The following DIRAS3 variants were observed in gnomAD, a reference collection of about 807,000 sequenced individuals.
DIRAS3 encodes the protein GTP-binding protein Di-Ras3.
For synonymous variants in DIRAS3, 133 were observed against 131.4 expected (o/e 1.01, Z -0.08); for missense variants, 248 against 300.6 (o/e 0.83, Z 1.29).
In DIRAS3 at chr1:68,047,137, A is replaced by T; in HGVS notation, c.161T>A (p.Leu54Gln). The stretch of plus-strand genomic sequence containing the variant: ...GAAGTTGCCGCTCGCCCACTTGTGC[A>T]GCAGCGTACTTTTCCCCACACCAGC... ...GTAGVGKSTL[L>Q]HKWASGNFRH... Residue 54 changes from leucine to glutamine, a missense_variant, in exon 2 of 2, where the codon CTG (leucine) becomes CAG (glutamine). Transcript: ENST00000646789. 1 of 1,614,188 alleles carries T rather than the reference A, an allele frequency of 6.2e-7. No individual in the cohort carries two copies. The highest frequency in any genetic ancestry group is 8.5e-7 in the Non-Finnish European group (1 of 1,180,022).
chr1:68,047,184 G>A lies in DIRAS3; in HGVS notation c.114C>T (p.Tyr38=). Residue 38 remains tyrosine (Y), a synonymous_variant, in exon 2 of 2, where the codon TAC becomes TAT. Coordinates refer to ENST00000646789, the MANE Select transcript of DIRAS3 (RefSeq NM_004675.5). ...AFKPHRKIRD[Y]RVVVVGTAGV... ...CAGCGGTGCCGACTACCACGACGCG[G>A]TAATCTCTGATCTTCCTGTGGGGCT... The A allele has an allele frequency of 2.5e-6, 4 of 1,614,200 alleles. No individual in the cohort carries two copies. Among genetic ancestry groups the A allele is most frequent in the Non-Finnish European group, 3.4e-6 (4 of 1,180,040 alleles).
In DIRAS3 at chr1:68,047,219, G is replaced by A. The variant is rs1557689117; in HGVS notation, c.79C>T (p.Arg27Cys). The change falls in exon 2 of 2, where the codon CGC becomes TGC. Residue 27 changes from arginine to cysteine, a missense_variant. By Grantham distance (180) the Arg-to-Cys change is radical. Coordinates refer to ENST00000646789, the MANE Select transcript of DIRAS3 (RefSeq NM_004675.5). ...ATCTTCCTGTGGGGCTTGAAGGCGC[G>A]GAGGATAAGCAGGGCGGGCAGAAGC... The part of the protein sequence containing the change: ...LRLLPALLIL[R>C]AFKPHRKIRD... 2 of 1,614,032 alleles carry A rather than the reference G, an allele frequency of 1.2e-6. No individual in the cohort carries two copies. The highest frequency in any genetic ancestry group is 8.5e-7 in the Non-Finnish European group (1 of 1,180,044).
Position 68,047,005 on chromosome 1 carries a change from T to G in DIRAS3, c.293A>C (p.Asn98Thr), listed in dbSNP as rs759146869. ...HITDSKSGDG[N>T]RALQRHVIAR... ...TATAACGTGGCGCTGCAGAGCGCGG[T>G]TGCCGTCGCCACTCTTGCTGTCGGT... The change falls in exon 2 of 2, where the codon AAC becomes ACC. Residue 98 changes from asparagine (N) to threonine (T), a missense_variant. Transcript: ENST00000646789. 6.8e-6 allele frequency: 11 copies of G among 1,614,038 alleles called. No homozygotes were observed. The highest frequency in any genetic ancestry group is 1.3e-5 in the African/African-American group (1 of 74,918).
At chr1:68,047,383 TG>T in intron 1 of DIRAS3, 21 bp from the exon 2 acceptor site, 1 of 1,222,258 alleles carries the variant, frequency 8.2e-7, no homozygotes, top group Non-Finnish European at 1.1e-6. Flanking sequence ...AGTGAGACGG[TG>T]AGAGATGGTA....
In DIRAS3 at chr1:68,046,639, T is replaced by C; in HGVS notation, c.659A>G (p.Glu220Gly). The change falls in exon 2 of 2, where the codon GAG becomes GGG. Residue 220 changes from glutamate (E) to glycine (G), a missense_variant. Coordinates refer to ENST00000646789, the MANE Select transcript of DIRAS3 (RefSeq NM_004675.5). Reference sequence around the variant, plus strand: ...GATTATGCACTTGTCAAGCAGCTTCTCAGTGGTGTTGGGCATCTGGGATTT... The same window carrying C: ...GATTATGCACTTGTCAAGCAGCTTCCCAGTGGTGTTGGGCATCTGGGATTT... ...EKKSQMPNTT[E>G]KLLDKCIIM is the part of the protein sequence containing the mutation. 1.2e-6 allele frequency: 2 copies of C among 1,614,148 alleles called. No homozygotes were observed. The highest frequency in any genetic ancestry group is 2.2e-5 in the South Asian group (2 of 91,070).
chr1:68,046,810 A>G lies in DIRAS3; in HGVS notation c.488T>C (p.Leu163Pro). 4 of 1,614,188 alleles carry G rather than the reference A, an allele frequency of 2.5e-6. No homozygotes were observed. Among genetic ancestry groups the G allele is most frequent in the Non-Finnish European group, 3.4e-6 (4 of 1,180,030 alleles). The change falls in exon 2 of 2, where the codon CTG becomes CCG. Residue 163 changes from leucine (L) to proline (P), a missense_variant. Transcript: ENST00000646789. ...KSDDTHREVA[L>P]NDGATCAMEW... ...CATCGCACAGGTGGCACCATCATTC[A>G]GGGCCACCTCCCGGTGGGTGTCATC...
In DIRAS3 at chr1:68,047,031, G is replaced by A. The variant is rs945486728; in HGVS notation, c.267C>T (p.Ile89=). The change falls in exon 2 of 2, where the codon ATC becomes ATT. Residue 89 remains isoleucine (I), a synonymous_variant. Transcript: ENST00000646789. ...TGCCGTCGCCACTCTTGCTGTCGGTGATGTGCAGGGAAAGCACACCGTGGC... is the reference window on the plus strand; with the variant it reads ...TGCCGTCGCCACTCTTGCTGTCGGTAATGTGCAGGGAAAGCACACCGTGGC... The part of the protein sequence containing the change: ...GCSHGVLSLH[I]TDSKSGDGNR... The A allele has an allele frequency of 1.2e-6, 2 of 1,614,102 alleles. No individual in the cohort carries two copies. Among genetic ancestry groups the A allele is most frequent in the Non-Finnish European group, 1.7e-6 (2 of 1,180,054 alleles).
At chr1:68,048,037 AAAAAAAAAAAAAATATATAT>A (rs1557689545) in intron 1 of DIRAS3, among the ~76,000 whole-genome samples, 1 of 60,452 alleles carries the variant, frequency 1.7e-5, no homozygotes, top group African/African-American at 7.8e-5. Flanking sequence ...AAAAAAAAAA[AAAAAAAAAAAAAATATATAT>A]ATATATATAT....
rs2100322741 is a variant in DIRAS3 at position 68,046,127 on chromosome 1, T to A, written c.*481A>T. ...CCCACACCCCTAATGATCAACATAT[T>A]CATTTTTTTATTTAGTATATGTCAC... On this transcript the variant is annotated 3_prime_UTR_variant, in exon 2 of 2. Coordinates refer to ENST00000646789, the MANE Select transcript of DIRAS3 (RefSeq NM_004675.5). The A allele has an allele frequency of 6.5e-6, 1 of 154,530 alleles. No individual in the cohort carries two copies. Among genetic ancestry groups the A allele is most frequent in the East Asian group, 1.9e-4 (1 of 5,222 alleles). 9.6% of individuals were successfully genotyped at this position (154,530 alleles called of 1,614,324 possible).
chr1:68,046,572 A>G lies in DIRAS3; in HGVS notation c.*36T>C, dbSNP rs1255326671. The G allele has an allele frequency of 1.9e-6, 3 of 1,588,630 alleles. No homozygotes were observed. Among genetic ancestry groups the G allele is most frequent in the Admixed American group, 3.4e-5 (2 of 58,250 alleles). On this transcript the variant is annotated 3_prime_UTR_variant, in exon 2 of 2. Transcript: ENST00000646789. ...AATGAGTCCACGTTTTCTACACGCT[A>G]CAGGATAGGAAGAGCTGGCTCTTAA...
chr1:68,046,855 A>G lies in DIRAS3; in HGVS notation c.443T>C (p.Val148Ala). ...KGNNLHKFPIVLVGNKSDDTH... is the reference protein window; with the variant it reads ...KGNNLHKFPIALVGNKSDDTH... ...GTCATCACTTTTATTGCCCACCAGCACGATGGGGAACTTATGCAGGTTGTT... is the reference window on the plus strand; with the variant it reads ...GTCATCACTTTTATTGCCCACCAGCGCGATGGGGAACTTATGCAGGTTGTT... The change falls in exon 2 of 2, where the codon GTG becomes GCG. Residue 148 changes from valine (V) to alanine (A), a missense_variant. Physicochemically the swap from Val to Ala is moderately conservative, Grantham distance 64. Coordinates refer to ENST00000646789, the MANE Select transcript of DIRAS3 (RefSeq NM_004675.5). The G allele has an allele frequency of 3.1e-6, 5 of 1,614,182 alleles. No homozygotes were observed. The highest frequency in any genetic ancestry group is 4.2e-6 in the Non-Finnish European group (5 of 1,180,042).
rs915874250 is a variant in DIRAS3, at chr1:68,047,380, C to T, written c.-65-18G>A. 4.7e-6 allele frequency: 6 copies of T among 1,264,314 alleles called. No individual in the cohort carries two copies. The highest frequency in any genetic ancestry group is 4.3e-5 in the South Asian group (3 of 70,442). 78.3% of individuals were successfully genotyped at this position (1,264,314 alleles called of 1,614,324 possible). A position where few individuals can be genotyped will look rare whatever the true frequency, so the allele number is the denominator to read the frequency against. The stretch of plus-strand genomic sequence containing the variant: ...GGAGACCCCTAGGAAGAAAGTGAGA[C>T]GGTGAGAGATGGTAGTGGTAACCTA... On this transcript the variant is annotated intron_variant, in intron 1 of 1. Transcript: ENST00000646789.
At position 68,050,127 on chromosome 1, in the gene DIRAS3, C is replaced by T. The variant is rs569616862; in HGVS notation, c.-66+421G>A. ...TTGCGGCACCAGCCTGGCTCATGGACATCACCACGCACCTGCAAGGTCAGG... is the reference window on the plus strand; with the variant it reads ...TTGCGGCACCAGCCTGGCTCATGGATATCACCACGCACCTGCAAGGTCAGG... On this transcript the variant is annotated intron_variant, in intron 1 of 1. Coordinates refer to ENST00000646789, the MANE Select transcript of DIRAS3 (RefSeq NM_004675.5). This position sits in a 1 kb window ranked among gnomAD's most constrained non-coding sequence, Gnocchi z 4.5. 1.3e-5 allele frequency among the ~76,000 whole-genome samples: 2 copies of T among 152,306 alleles called. No individual in the cohort carries two copies. Among genetic ancestry groups the T allele is most frequent in the African/African-American group, 2.4e-5 (1 of 41,566 alleles).
Position 68,046,540 on chromosome 1 carries a change from A to G in DIRAS3, c.*68T>C. 1.4e-6 allele frequency: 2 copies of G among 1,418,100 alleles called. No homozygotes were observed. Among genetic ancestry groups the G allele is most frequent in the Non-Finnish European group, 1.9e-6 (2 of 1,032,646 alleles). The allele number at this position is 1,418,100 out of a possible 1,614,324, so 87.8% of individuals were successfully genotyped here. On this transcript the variant is annotated 3_prime_UTR_variant, in exon 2 of 2. Coordinates refer to ENST00000646789, the MANE Select transcript of DIRAS3 (RefSeq NM_004675.5). ...ACAAAATCAACCATGTACATGTAACATAGTGAAATGAGTCCACGTTTTCTA... is the reference window on the plus strand; with the variant it reads ...ACAAAATCAACCATGTACATGTAACGTAGTGAAATGAGTCCACGTTTTCTA...
chr1:68,047,252 G>A lies in DIRAS3; in HGVS notation c.46C>T (p.Arg16Trp), dbSNP rs1441125525. Residue 16 changes from arginine (R) to tryptophan (W), a missense_variant, in exon 2 of 2, where the codon CGG (arginine) becomes TGG (tryptophan). Physicochemically the swap from Arg to Trp is moderately radical, Grantham distance 101. Coordinates refer to ENST00000646789, the MANE Select transcript of DIRAS3 (RefSeq NM_004675.5). ...AGCAGGGCGGGCAGAAGCCGCAACC[G>A]CTTCAGCAGCTTCTGTTCCTTGGAG... ...FGSKEQKLLK[R>W]LRLLPALLIL... is the part of the protein sequence containing the mutation. The A allele has an allele frequency of 1.2e-6, 2 of 1,613,920 alleles. No homozygotes were observed. Among genetic ancestry groups the A allele is most frequent in the Non-Finnish European group, 1.7e-6 (2 of 1,180,022 alleles).
intron 1 of DIRAS3, among the ~76,000 whole-genome samples, chr1:68,048,647 T>C (rs536782816): frequency 3.9e-5 from 6 of 152,020 alleles, no homozygotes; most frequent in Non-Finnish European, 8.8e-5. Context: ...ACACATACTC[T>C]CCCAGTACTG....
chr1:68,046,823 G>T lies in DIRAS3; in HGVS notation c.475C>A (p.Arg159=). 10 of 1,614,130 alleles carry T rather than the reference G, an allele frequency of 6.2e-6. No homozygotes were observed. Among genetic ancestry groups the T allele is most frequent in the Non-Finnish European group, 8.5e-6 (10 of 1,180,036 alleles). ...LVGNKSDDTH[R]EVALNDGATC... is the part of the protein sequence containing the mutation. ...GCACCATCATTCAGGGCCACCTCCC[G>T]GTGGGTGTCATCACTTTTATTGCCC... The change falls in exon 2 of 2, where the codon CGG becomes AGG. Residue 159 remains arginine (R), a synonymous_variant. Coordinates refer to ENST00000646789, the MANE Select transcript of DIRAS3 (RefSeq NM_004675.5).
intron 1 of DIRAS3, among the ~76,000 whole-genome samples, chr1:68,048,731 GTTTTTTTTTTTTTGT>G (rs1160151772): frequency 5.0e-5 from 6 of 119,358 alleles, no homozygotes; most frequent in African/African-American, 1.2e-4. Context: ...TTTGGTGGTG[GTTTTTTTTTTTTTGT>G]TTTTTTTTTT....
Position 68,047,275 on chromosome 1 carries a change from G to A in DIRAS3, c.23C>T (p.Ser8Phe). 1 of 1,613,494 alleles carries A rather than the reference G, an allele frequency of 6.2e-7. No homozygotes were observed. Among genetic ancestry groups the A allele is most frequent in the Non-Finnish European group, 8.5e-7 (1 of 1,179,750 alleles). MGNASFG[S>F]KEQKLLKRLR... Reference sequence around the variant, plus strand: ...CCGCTTCAGCAGCTTCTGTTCCTTGGAGCCAAAGCTGGCGTTACCCATCGT... The same window carrying A: ...CCGCTTCAGCAGCTTCTGTTCCTTGAAGCCAAAGCTGGCGTTACCCATCGT... The change falls in exon 2 of 2, where the codon TCC (serine) becomes TTC (phenylalanine). Residue 8 changes from serine to phenylalanine, a missense_variant. Coordinates refer to ENST00000646789, the MANE Select transcript of DIRAS3 (RefSeq NM_004675.5).
Sources: allele counts gnomAD v4.1 joint callset (sites outside exome capture counted in the v4.1 genomes callset), GRCh38; gene constraint gnomAD v4.1.1; non-coding constraint Gnocchi (gnomAD v3.1); transcripts MANE v1.5; gene names NCBI Gene and HGNC (gene_info 2026-07-23, HGNC 2026-07-21).